The following ERC1 variants were observed in gnomAD, a reference collection of about 807,000 sequenced individuals.
ERC1 encodes the protein ELKS/RAB6-interacting/CAST family member 1.
Under a neutral mutation model 132.0 loss-of-function variants are expected in ERC1, and 56 were observed. The ratio of observed to expected loss-of-function variants is 0.42; its 90% CI spans 0.34 to 0.53. The LOEUF is 0.53. Among genes scored for constraint, ERC1 ranks in the 20% least tolerant of loss-of-function variants. The pLI, the probability that ERC1 is intolerant of heterozygous loss-of-function variation, is 0.03. For missense variants in ERC1, 1,202 were observed against 1,349.9 expected, an observed-to-expected ratio of 0.89 and a Z score of 1.72; for synonymous variants, 478 against 476.1, an observed-to-expected ratio of 1.00 and a Z score of -0.05.
chr12:1,323,467 A>G (rs2082249857), intron 15 of ERC1, among the ~76,000 whole-genome samples: 1 of 152,184 alleles, frequency 6.6e-6, no homozygotes, highest in Non-Finnish European at 1.5e-5. Flanking sequence ...GAATAAAGAA[A>G]TGGTCACTGT....
At chr12:1,058,750 A>G (rs185329361) in intron 2 of ERC1, among the ~76,000 whole-genome samples, 1 of 143,256 alleles carries the variant, frequency 7.0e-6, no homozygotes, top group East Asian at 2.1e-4. Context: ...ATATTTTGAT[A>G]TGGATTGCAT....
intron 6 of ERC1, among the ~76,000 whole-genome samples, chr12:1,114,725 G>C (rs1946268598): frequency 6.6e-6 from 1 of 152,166 alleles, no homozygotes; most frequent in Non-Finnish European, 1.5e-5. Context: ...ATCTTCCACT[G>C]ATGTTTTTAG....
intron 14 of ERC1, 27 bp downstream of exon 14, chr12:1,263,192 A>G (rs753067519): frequency 6.2e-7 from 1 of 1,611,106 alleles, no homozygotes; most frequent in South Asian, 1.1e-5. Context: ...AGTTCCAAGC[A>G]ATGCTGCTGG....
chr12:1,369,930 C>T (rs1355530655), intron 15 of ERC1, among the ~76,000 whole-genome samples: 1 of 152,178 alleles, frequency 6.6e-6, no homozygotes, highest in Non-Finnish European at 1.5e-5. Context: ...TAGACCTACA[C>T]ATCCAGAATA....
At chr12:1,376,368 A>C (rs1049310375) in intron 16 of ERC1, among the ~76,000 whole-genome samples, 21 of 151,756 alleles carry the variant, frequency 1.4e-4, no homozygotes, top group African/African-American at 5.1e-4. Flanking sequence ...CCCAAGCTAC[A>C]TCCCATCTCA....
intron 18 of ERC1, among the ~76,000 whole-genome samples, chr12:1,484,317 A>AT (rs141753881): frequency 0.04 from 6,111 of 151,980 alleles, 418 homozygotes; most frequent in African/African-American, 0.14. Context: ...AAAAAAAAAA[A>AT]TTCTTTGTTC....
chr12:1,160,608 G>A (rs1951798211), intron 8 of ERC1, among the ~76,000 whole-genome samples: 2 of 152,124 alleles, frequency 1.3e-5, no homozygotes, highest in African/African-American at 4.8e-5. Context: ...CTACTGGGGA[G>A]GCTGAGGCTG....
intron 8 of ERC1, among the ~76,000 whole-genome samples, chr12:1,155,256 G>A (rs974539554): frequency 1.3e-5 from 2 of 150,064 alleles, no homozygotes; most frequent in Admixed American, 6.7e-5. Flanking sequence ...GACCTGGGAG[G>A]CAGAGGTTGC....
At position 1,473,457 on chromosome 12, in the gene ERC1, G is replaced by A. The variant is rs369241385; in HGVS notation, c.3214-16636G>A. ...ACAAATTCATACATTGCCTGGCAAG[G>A]GAGTTCATCACAAAGTAGGAAGGGG... On this transcript the variant is annotated intron_variant, in intron 18 of 18. Transcript: ENST00000360905. Among the ~76,000 whole-genome samples, 7 of 152,080 alleles carry A rather than the reference G, an allele frequency of 4.6e-5. No homozygotes were observed. In the South Asian group the frequency reaches 8.3e-4, roughly 18 times the overall value.
In ERC1 at chr12:1,152,093, G is replaced by C. The variant is rs924131964; in HGVS notation, c.1737+10306G>C. ...CAGGTGCCTGTAATCCCAGCTACTC[G>C]GGAGGCTGAGGCAGGAGAATTGCTT... On this transcript the variant is annotated intron_variant, in intron 8 of 18. Coordinates refer to ENST00000360905, the MANE Select transcript of ERC1 (RefSeq NM_178040.4). Among the ~76,000 whole-genome samples, 10 of 152,054 alleles carry C rather than the reference G, an allele frequency of 6.6e-5. No homozygotes were observed. In the South Asian group the frequency reaches 1.0e-3, roughly 16 times the overall value.
chr12:1,364,224 T>C (rs1479191389), intron 15 of ERC1, among the ~76,000 whole-genome samples: 1 of 152,210 alleles, frequency 6.6e-6, no homozygotes, highest in African/African-American at 2.4e-5. Context: ...GTTTTTGTAA[T>C]ATAAGATTTT....
chr12:1,031,164 T>C (rs1967961004), intron 2 of ERC1, among the ~76,000 whole-genome samples: 1 of 152,324 alleles, frequency 6.6e-6, no homozygotes, highest in South Asian at 2.1e-4. Flanking sequence ...GCTATAAAAA[T>C]AGCTCAATTT....
At position 1,436,647 on chromosome 12, in the gene ERC1, T is replaced by A. The variant is rs188222188; in HGVS notation, c.3025-7915T>A. On this transcript the variant is annotated intron_variant, in intron 17 of 18. Coordinates refer to ENST00000360905, the MANE Select transcript of ERC1 (RefSeq NM_178040.4). ...ATAATGCCAAAAGGTGGTGTCGTGC[T>A]TGACTGCAGCAGTTACAGCACGTGA... Among the ~76,000 whole-genome samples the A allele has an allele frequency of 4.6e-5, 7 of 152,320 alleles. No individual in the cohort carries two copies. The East Asian group carries it at 1.3e-3, about 29-fold the overall frequency.
At chr12:1,360,201 A>G (rs1408312277) in intron 15 of ERC1, among the ~76,000 whole-genome samples, 1 of 152,222 alleles carries the variant, frequency 6.6e-6, no homozygotes, top group African/African-American at 2.4e-5. Context: ...ATTGACAGAC[A>G]TTGTTAAGTA....
At chr12:1,342,163 G>A (rs2083961141) in intron 15 of ERC1, among the ~76,000 whole-genome samples, 1 of 151,918 alleles carries the variant, frequency 6.6e-6, no homozygotes, top group Admixed American at 6.6e-5. Context: ...ATAAAATTCA[G>A]TAAGCAAAAA....
intron 13 of ERC1, among the ~76,000 whole-genome samples, chr12:1,257,890 T>C (rs1018135814): frequency 1.3e-5 from 2 of 152,178 alleles, no homozygotes; most frequent in Non-Finnish European, 2.9e-5. Flanking sequence ...TTTCAACATA[T>C]AATCAATATG....
intron 2 of ERC1, among the ~76,000 whole-genome samples, chr12:1,082,311 C>G (rs1483549802): frequency 6.6e-6 from 1 of 151,624 alleles, no homozygotes. Context: ...CAGGCGTGAA[C>G]CACCGTGCCT....
At chr12:1,283,036 G>A (rs1044738198) in intron 14 of ERC1, among the ~76,000 whole-genome samples, 1 of 152,138 alleles carries the variant, frequency 6.6e-6, no homozygotes, top group South Asian at 2.1e-4. Flanking sequence ...TTGAAGAAGC[G>A]GGCTTTGCCA....
chr12:1,464,612 C>T (rs931768565), intron 18 of ERC1, among the ~76,000 whole-genome samples: 7 of 150,126 alleles, frequency 4.7e-5, no homozygotes, highest in Admixed American at 3.3e-4. Flanking sequence ...CTCCCCCTCC[C>T]GAGTTCAAGC....
Sources: gnomAD v4.1 joint callset for allele counts (sites outside exome capture counted in the v4.1 genomes callset) on GRCh38, gnomAD v4.1.1 for gene constraint, MANE v1.5 for transcripts, NCBI Gene and HGNC (gene_info 2026-07-23, HGNC 2026-07-21) for gene names.